The following CHSY3 variants were observed in gnomAD, a reference collection of about 807,000 sequenced individuals.
The protein encoded by CHSY3 is N-acetylgalactosaminyl-proteoglycan 3-beta-glucuronosyltransferase 3.
A neutral mutation model predicts 67.2 loss-of-function variants in CHSY3; 35 were observed. The ratio of observed to expected loss-of-function variants is 0.52; its 90% confidence interval spans 0.40 to 0.69. CHSY3 has a LOEUF of 0.69. Among genes scored for constraint, CHSY3 ranks in the 30% least tolerant of loss-of-function variants. CHSY3 has a pLI of 0.00. For missense variants in CHSY3, 1,069 were observed against 1,138.5 expected (o/e 0.94, Z 0.88); for synonymous variants, 474 against 434.7 (o/e 1.09, Z -1.12).
chr5:130,151,263 A>G lies in CHSY3; in HGVS notation c.1087-32966A>G, dbSNP rs115774601. Among the ~76,000 whole-genome samples the G allele has an allele frequency of 5.0e-3, 759 of 152,288 alleles. 3 individuals carry two copies. Among genetic ancestry groups the G allele is most frequent in the African/African-American group, 0.017 (722 of 41,556 alleles). On this transcript the variant is annotated intron_variant, in intron 2 of 2. Transcript: ENST00000305031. ...AAAACTCAAAAATTACACTTTCAAGACTGGTAACTTTGCCAAATGTCATTA... is the reference window on the plus strand; with the variant it reads ...AAAACTCAAAAATTACACTTTCAAGGCTGGTAACTTTGCCAAATGTCATTA...
At chr5:129,918,369 T>C (rs1024577464) in intron 2 of CHSY3, among the ~76,000 whole-genome samples, 1 of 152,222 alleles carries the variant, frequency 6.6e-6, no homozygotes, top group Non-Finnish European at 1.5e-5. Flanking sequence ...TTAAATAATT[T>C]GATCTCTGAT....
chr5:130,171,700 AT>A (rs1561568955), intron 2 of CHSY3, among the ~76,000 whole-genome samples: 1 of 152,238 alleles, frequency 6.6e-6, no homozygotes, highest in African/African-American at 2.4e-5. Context: ...GCTAAAAAAA[AT>A]GAAACAGGAA....
chr5:130,062,267 G>A lies in CHSY3; in HGVS notation c.1087-121962G>A, dbSNP rs115257033. On this transcript the variant is annotated intron_variant, in intron 2 of 2. Transcript: ENST00000305031. ...TGCAGCAACATGTATGGAGTTGGAG[G>A]CCATTATCCTCAATGAACTAACCCA... is the stretch of plus-strand genomic sequence containing the variant. 4.3e-3 allele frequency among the ~76,000 whole-genome samples: 657 copies of A among 151,666 alleles called. 5 individuals carry two copies. The highest frequency in any genetic ancestry group is 0.014 in the African/African-American group (592 of 41,056).
intron 2 of CHSY3, among the ~76,000 whole-genome samples, chr5:130,020,456 TA>T (rs1561500566): frequency 6.9e-3 from 17 of 2,470 alleles, no homozygotes; most frequent in African/African-American, 0.013. Flanking sequence ...TATATATATA[TA>T]TATATTTTTT....
At chr5:129,933,418 T>C (rs536148052) in intron 2 of CHSY3, among the ~76,000 whole-genome samples, 17 of 152,318 alleles carry the variant, frequency 1.1e-4, no homozygotes, top group African/African-American at 3.4e-4. Flanking sequence ...GTTACTCTGC[T>C]AATGTTGGGA....
At chr5:129,907,692 G>A (rs1760366534) in intron 1 of CHSY3, among the ~76,000 whole-genome samples, 1 of 152,104 alleles carries the variant, frequency 6.6e-6, no homozygotes, top group Non-Finnish European at 1.5e-5. Flanking sequence ...TAGGTATTAA[G>A]AGTCAGCCAA....
intron 2 of CHSY3, among the ~76,000 whole-genome samples, chr5:130,087,016 A>G (rs1357382037): frequency 3.3e-5 from 5 of 152,140 alleles, no homozygotes; most frequent in Non-Finnish European, 7.4e-5. Flanking sequence ...AAGCTTATCC[A>G]CCATGATCAA....
intron 2 of CHSY3, among the ~76,000 whole-genome samples, chr5:130,059,754 T>G (rs1765650114): frequency 6.6e-6 from 1 of 152,158 alleles, no homozygotes; most frequent in Non-Finnish European, 1.5e-5. Flanking sequence ...CACAGTACAT[T>G]ACCAAGTTTC....
intron 2 of CHSY3, among the ~76,000 whole-genome samples, chr5:129,981,255 G>A (rs1023156526): frequency 9.9e-5 from 15 of 151,734 alleles, no homozygotes; most frequent in Admixed American, 6.6e-4. Context: ...CTATATTTAT[G>A]TGGATCTATT....
chr5:130,033,061 A>G (rs1258415742), intron 2 of CHSY3, among the ~76,000 whole-genome samples: 3 of 152,284 alleles, frequency 2.0e-5, no homozygotes, highest in South Asian at 2.1e-4. Flanking sequence ...GATGAAGCCG[A>G]CAGCTGGAGG....
At chr5:129,920,502 T>C (rs1297769630) in intron 2 of CHSY3, among the ~76,000 whole-genome samples, 1 of 152,124 alleles carries the variant, frequency 6.6e-6, no homozygotes, top group Admixed American at 6.6e-5. Flanking sequence ...CCTTGGCCTC[T>C]CAAAGTGCTG....
Position 130,134,339 on chromosome 5 carries a change from A to C in CHSY3, c.1087-49890A>C, listed in dbSNP as rs141474987. On this transcript the variant is annotated intron_variant, in intron 2 of 2. Transcript: ENST00000305031. The stretch of plus-strand genomic sequence containing the variant: ...TAAAACTTTAGAAGAGGAGCCTTAG[A>C]CATCAAAATATATTATAAAAGTAAG... Among the ~76,000 whole-genome samples the C allele has an allele frequency of 2.0e-3, 299 of 152,362 alleles. 2 individuals carry two copies. Among genetic ancestry groups the C allele is most frequent in the Middle Eastern group, 6.8e-3 (2 of 294 alleles).
intron 2 of CHSY3, among the ~76,000 whole-genome samples, chr5:129,948,702 A>G (rs566219776): frequency 6.6e-6 from 1 of 152,316 alleles, no homozygotes; most frequent in East Asian, 1.9e-4. Context: ...GTGGATACCC[A>G]GTAGTGGGAT....
intron 2 of CHSY3, chr5:130,002,031 CT>C (rs1255153649): frequency 1.2e-4 from 108 of 879,220 alleles, no homozygotes; most frequent in Middle Eastern, 5.8e-4. Flanking sequence ...TTTCTGTGTT[CT>C]TTTTTTTAAC....
chr5:130,166,395 G>A lies in CHSY3; in HGVS notation c.1087-17834G>A, dbSNP rs572450709. Among the ~76,000 whole-genome samples, 97 of 152,008 alleles carry A rather than the reference G, an allele frequency of 6.4e-4. No homozygotes were observed. In the East Asian group the frequency reaches 8.5e-3, roughly 13 times the overall value. On this transcript the variant is annotated intron_variant, in intron 2 of 2. Transcript: ENST00000305031. ...CATTTTATTAAACTTACCCTTTTCC[G>A]TTATGTAAATTACTCTTTTTGTGGT...
At chr5:129,934,422 A>G (rs1761423786) in intron 2 of CHSY3, among the ~76,000 whole-genome samples, 1 of 152,174 alleles carries the variant, frequency 6.6e-6, no homozygotes. Flanking sequence ...ATAAACAAAC[A>G]TAGTGGTTTT....
chr5:130,063,494 T>G (rs1765777090), intron 2 of CHSY3, among the ~76,000 whole-genome samples: 1 of 152,174 alleles, frequency 6.6e-6, no homozygotes, highest in South Asian at 2.1e-4. Flanking sequence ...GCTTTTTCCC[T>G]AAATTTCCAT....
At chr5:129,996,271 AC>A (rs1261763372) in intron 2 of CHSY3, among the ~76,000 whole-genome samples, 1 of 152,132 alleles carries the variant, frequency 6.6e-6, no homozygotes, top group Non-Finnish European at 1.5e-5. Flanking sequence ...TCATCTGTAC[AC>A]CCAGCCAGTA....
intron 2 of CHSY3, among the ~76,000 whole-genome samples, chr5:129,956,495 C>A (rs761506491): frequency 1.2e-4 from 18 of 151,938 alleles, no homozygotes; most frequent in Non-Finnish European, 2.1e-4. Context: ...TATATCTCAT[C>A]CTGTGGGTTG....
Sources: allele counts gnomAD v4.1 joint callset (sites outside exome capture counted in the v4.1 genomes callset), GRCh38; gene constraint gnomAD v4.1.1; transcripts MANE v1.5; gene names NCBI Gene and HGNC (gene_info 2026-07-23, HGNC 2026-07-21).